The following PCDH11X variants were observed in gnomAD, a reference collection of about 807,000 sequenced individuals.
PCDH11X encodes the protein protocadherin-11 X-linked.
A neutral mutation model predicts 53.3 loss-of-function variants in PCDH11X; 18 were observed. The ratio of observed to expected loss-of-function variants is 0.34; its 90% CI spans 0.23 to 0.50. The LOEUF is 0.50. Among genes scored for constraint, PCDH11X ranks in the 20% least tolerant of loss-of-function variants. The pLI is 0.98. For synonymous variants in PCDH11X, 279 were observed against 393.3 expected, an observed-to-expected ratio of 0.71 and a Z score of 3.44; for missense variants, 570 against 1,032.4, an observed-to-expected ratio of 0.55 and a Z score of 6.14.
intron 10 of PCDH11X, among the ~76,000 whole-genome samples, chrX:92,528,738 C>T (rs1317693833): frequency 6.3e-5 from 7 of 111,160 alleles, no homozygotes; most frequent in Non-Finnish European, 9.4e-5. Flanking sequence ...GAAAAGAAGA[C>T]GTAGTGTTTT....
chrX:92,071,192 G>T (rs1243177405), intron 6 of PCDH11X, among the ~76,000 whole-genome samples: 2 of 109,072 alleles, frequency 1.8e-5, no homozygotes, highest in Non-Finnish European at 3.8e-5. Context: ...TTTTTCTTTT[G>T]TCTCCTCTGA....
intron 1 of PCDH11X, among the ~76,000 whole-genome samples, chrX:91,807,318 C>T (rs985259056): frequency 2.0e-4 from 22 of 109,995 alleles, no homozygotes; most frequent in Admixed American, 5.9e-4. Context: ...GCACTTCAAC[C>T]GGGGTGACAA....
chrX:92,106,712 A>C (rs2064391954), intron 6 of PCDH11X, among the ~76,000 whole-genome samples: 2 of 112,120 alleles, frequency 1.8e-5, no homozygotes, highest in South Asian at 7.4e-4. Flanking sequence ...GTCTATAGTT[A>C]ACAAGATATC....
chrX:92,260,151 A>G (rs2067684171), intron 7 of PCDH11X, among the ~76,000 whole-genome samples: 1 of 110,427 alleles, frequency 9.1e-6, no homozygotes, highest in African/African-American at 3.3e-5. Flanking sequence ...GGCCTAATTC[A>G]GCACTAGGAC....
At chrX:92,204,940 T>C (rs1479106643) in intron 7 of PCDH11X, among the ~76,000 whole-genome samples, 1 of 111,398 alleles carries the variant, frequency 9.0e-6, no homozygotes, top group Non-Finnish European at 1.9e-5. Context: ...TCATGATAAT[T>C]TAATATCATG....
intron 6 of PCDH11X, among the ~76,000 whole-genome samples, chrX:91,902,200 G>A (rs1165338577): frequency 9.1e-6 from 1 of 110,144 alleles, no homozygotes; most frequent in Non-Finnish European, 1.9e-5. Context: ...GGAATGTTAC[G>A]TCAACCACCT....
intron 6 of PCDH11X, among the ~76,000 whole-genome samples, chrX:92,175,783 T>TACACACACACAC (rs1213559599): frequency 1.2e-5 from 1 of 85,845 alleles, no homozygotes; most frequent in Non-Finnish European, 2.2e-5. Flanking sequence ...TGTGTATATA[T>TACACACACACAC]ATACACACAC....
intron 9 of PCDH11X, among the ~76,000 whole-genome samples, chrX:92,453,586 G>GT (rs1205322946): frequency 2.7e-5 from 3 of 110,733 alleles, no homozygotes; most frequent in Non-Finnish European, 5.7e-5. Context: ...GAGATTATGG[G>GT]TTTTTTTCTT....
chrX:92,259,105 C>T (rs770941009), intron 7 of PCDH11X, among the ~76,000 whole-genome samples: 3 of 110,460 alleles, frequency 2.7e-5, no homozygotes, highest in Admixed American at 2.0e-4. Context: ...TTTAACAAGT[C>T]TCTAGGAATT....
intron 6 of PCDH11X, among the ~76,000 whole-genome samples, chrX:92,153,799 A>G (rs1480112162): frequency 9.0e-6 from 1 of 110,666 alleles, no homozygotes; most frequent in African/African-American, 3.3e-5. Context: ...ATTCTAAGGA[A>G]ACAACAGATG....
chrX:92,528,955 G>GAT (rs1411157777), intron 10 of PCDH11X, among the ~76,000 whole-genome samples: 8 of 110,416 alleles, frequency 7.2e-5, no homozygotes, highest in Non-Finnish European at 1.1e-4. Context: ...GGGATATGAT[G>GAT]CATGAGATAA....
chrX:92,419,352 C>G (rs1368795016), intron 9 of PCDH11X, among the ~76,000 whole-genome samples: 2 of 102,424 alleles, frequency 2.0e-5, no homozygotes, highest in Non-Finnish European at 3.9e-5. Flanking sequence ...CTCCAGGGCT[C>G]AAGAGATTCT....
At chrX:91,852,002 G>A (rs1938047209) in intron 5 of PCDH11X, among the ~76,000 whole-genome samples, 1 of 97,126 alleles carries the variant, frequency 1.0e-5, no homozygotes, top group African/African-American at 3.8e-5. Context: ...CATAAAATTA[G>A]GAATTCTTTT....
At chrX:92,211,805 T>C (rs1224516273) in intron 7 of PCDH11X, among the ~76,000 whole-genome samples, 3 of 111,540 alleles carry the variant, frequency 2.7e-5, no homozygotes, top group Non-Finnish European at 3.8e-5. Context: ...GTTTTTGTTT[T>C]GTTTTGTTTA....
At chrX:91,932,396 G>T (rs1337986345) in intron 6 of PCDH11X, among the ~76,000 whole-genome samples, 3 of 103,530 alleles carry the variant, frequency 2.9e-5, no homozygotes, top group African/African-American at 1.1e-4. Flanking sequence ...GAGACAGGGG[G>T]AGAAGTTTGG....
rs192268418 is a variant in PCDH11X at position 92,224,442 on chromosome X, G to A, written c.3114+22987G>A. The stretch of plus-strand genomic sequence containing the variant: ...TTAAATTTGGCCTGAGGATGCCTCC[G>A]TACCTTGAGTTTCTACATAACAAAT... On this transcript the variant is annotated intron_variant, in intron 7 of 10. Transcript: ENST00000682573. Among the ~76,000 whole-genome samples, 19 of 111,657 alleles carry A rather than the reference G, an allele frequency of 1.7e-4. No individual in the cohort carries two copies. The East Asian group carries it at 3.1e-3, about 18-fold the overall frequency.
At chrX:91,901,613 CTT>C (rs1426743389) in intron 6 of PCDH11X, among the ~76,000 whole-genome samples, 3 of 110,693 alleles carry the variant, frequency 2.7e-5, no homozygotes, top group Non-Finnish European at 3.8e-5. Flanking sequence ...AAGAATATGA[CTT>C]ATTATGTGAT....
intron 6 of PCDH11X, among the ~76,000 whole-genome samples, chrX:91,965,385 G>A (rs1230431185): frequency 1.5e-4 from 16 of 110,144 alleles, no homozygotes; most frequent in Admixed American, 6.8e-4. Flanking sequence ...GCATGCAGGT[G>A]GGCCCTTGAA....
intron 10 of PCDH11X, among the ~76,000 whole-genome samples, chrX:92,612,203 G>T (rs1452807867): frequency 9.1e-6 from 1 of 110,314 alleles, no homozygotes; most frequent in African/African-American, 3.3e-5. Context: ...GTACAATTTG[G>T]CTCTGAATCC....
Sources: gnomAD v4.1 joint callset for allele counts (sites outside exome capture counted in the v4.1 genomes callset) on GRCh38, gnomAD v4.1.1 for gene constraint, MANE v1.5 for transcripts, NCBI Gene and HGNC (gene_info 2026-07-23, HGNC 2026-07-21) for gene names.